Variants in ROBO1 observed in about 807,000 individuals in gnomAD.
The protein encoded by ROBO1 is roundabout homolog 1.
A neutral mutation model predicts 195.9 loss-of-function variants in ROBO1; 149 were observed. That is an observed-to-expected ratio of 0.76 (90% confidence interval 0.67 to 0.87). The LOEUF is 0.87. Ranked by LOEUF, ROBO1 falls within the 40% of genes least tolerant of loss-of-function variation. The pLI, the probability that ROBO1 is intolerant of heterozygous loss-of-function variation, is 0.00. For synonymous variants in ROBO1, 816 were observed against 733.2 expected (o/e 1.11, Z -1.82); for missense variants, 1,933 against 2,068.3 (o/e 0.93, Z 1.27).
intron 2 of ROBO1, among the ~76,000 whole-genome samples, chr3:79,303,160 G>T (rs2635732): frequency 0.91 from 109,722 of 121,026 alleles, 49,477 homozygotes; most frequent in South Asian, 0.97. Flanking sequence ...TCTCACATAG[G>T]TTTTTTTTTT....
intron 2 of ROBO1, among the ~76,000 whole-genome samples, chr3:79,177,433 G>A (rs894333693): frequency 2.0e-5 from 3 of 152,056 alleles, no homozygotes; most frequent in Non-Finnish European, 2.9e-5. Flanking sequence ...AAGGTCAAGG[G>A]GCTAGGGATA....
intron 1 of ROBO1, among the ~76,000 whole-genome samples, chr3:79,677,795 A>G (rs1190486125): frequency 2.0e-5 from 3 of 152,112 alleles, no homozygotes; most frequent in Non-Finnish European, 4.4e-5. Flanking sequence ...TGATCCTGAG[A>G]ATGGATTCAT....
At chr3:79,031,437 C>G (rs2078294156) in intron 3 of ROBO1, among the ~76,000 whole-genome samples, 1 of 152,128 alleles carries the variant, frequency 6.6e-6, no homozygotes, top group Admixed American at 6.5e-5. Context: ...CTTAAACTTG[C>G]TCTTTGGAGC....
intron 4 of ROBO1, among the ~76,000 whole-genome samples, chr3:78,905,711 T>A (rs1288879382): frequency 2.0e-5 from 3 of 152,184 alleles, no homozygotes; most frequent in South Asian, 2.1e-4. Flanking sequence ...CATTCACATA[T>A]AATAATATAA....
chr3:78,937,735 C>T (rs1480363703), intron 4 of ROBO1, among the ~76,000 whole-genome samples: 2 of 152,044 alleles, frequency 1.3e-5, no homozygotes, highest in East Asian at 1.9e-4. Context: ...CATAAAACTA[C>T]TTGAGGATAA....
chr3:78,886,322 C>A (rs898202351), intron 4 of ROBO1, among the ~76,000 whole-genome samples: 6 of 152,040 alleles, frequency 3.9e-5, no homozygotes, highest in African/African-American at 1.4e-4. Flanking sequence ...TGTGGCCAGG[C>A]GCAGTGGCTC....
chr3:79,546,754 T>C (rs937867397), intron 2 of ROBO1, among the ~76,000 whole-genome samples: 3 of 152,318 alleles, frequency 2.0e-5, no homozygotes, highest in East Asian at 3.9e-4. Flanking sequence ...CAGGTTATGT[T>C]TGGCATGCTC....
chr3:79,430,952 A>G (rs2038653454), intron 2 of ROBO1, among the ~76,000 whole-genome samples: 1 of 152,118 alleles, frequency 6.6e-6, no homozygotes, highest in African/African-American at 2.4e-5. Context: ...TGGAAGTATA[A>G]GTATTTGTAG....
chr3:78,620,883 A>ATGTG (rs199578004), intron 26 of ROBO1, among the ~76,000 whole-genome samples: 25,219 of 144,544 alleles, frequency 0.17, 2,575 homozygotes, highest in East Asian at 0.39. Flanking sequence ...ATATATATAT[A>ATGTG]TGTGTGTGTG....
At chr3:79,121,184 C>A (rs776609762) in intron 3 of ROBO1, among the ~76,000 whole-genome samples, 1 of 151,948 alleles carries the variant, frequency 6.6e-6, no homozygotes, top group Non-Finnish European at 1.5e-5. Context: ...GCCTTGCATG[C>A]GTGTAGTAAT....
chr3:78,601,003 T>TTCTG (rs1703139655), intron 29 of ROBO1, among the ~76,000 whole-genome samples: 1 of 152,084 alleles, frequency 6.6e-6, no homozygotes, highest in African/African-American at 2.4e-5. Context: ...TCCAATTAAT[T>TTCTG]TCTGTCTCCT....
chr3:78,665,462 T>C (rs1461343712), intron 14 of ROBO1, among the ~76,000 whole-genome samples: 1 of 152,204 alleles, frequency 6.6e-6, no homozygotes, highest in Non-Finnish European at 1.5e-5. Context: ...TAATTTGCTC[T>C]ATTAACTTTA....
chr3:79,714,480 C>T (rs1056433688), intron 1 of ROBO1, among the ~76,000 whole-genome samples: 3 of 152,088 alleles, frequency 2.0e-5, no homozygotes, highest in Non-Finnish European at 2.9e-5. Context: ...ACCATTTGAA[C>T]CAGCCATCCC....
intron 24 of ROBO1, 65 bp from the exon 25 acceptor site, chr3:78,631,370 G>T: frequency 6.7e-7 from 1 of 1,489,704 alleles, no homozygotes; most frequent in Non-Finnish European, 9.0e-7. Context: ...TTAGTCACAA[G>T]TTAATTATTT....
intron 4 of ROBO1, among the ~76,000 whole-genome samples, chr3:78,778,944 T>A (rs1321981391): frequency 6.6e-6 from 1 of 152,000 alleles, no homozygotes; most frequent in Non-Finnish European, 1.5e-5. Context: ...GCCTCAGAAA[T>A]AACGCCACGC....
chr3:79,094,811 A>C (rs1418915386), intron 3 of ROBO1, among the ~76,000 whole-genome samples: 1 of 151,798 alleles, frequency 6.6e-6, no homozygotes, highest in African/African-American at 2.4e-5. Context: ...AGGGATCCCC[A>C]AGTTACTCTT....
intron 10 of ROBO1, among the ~76,000 whole-genome samples, chr3:78,676,978 C>A (rs1017673514): frequency 2.0e-5 from 3 of 152,088 alleles, no homozygotes; most frequent in Non-Finnish European, 4.4e-5. Flanking sequence ...GCGGATCTCT[C>A]GGCAGAAACC....
chr3:79,008,932 T>TGTGTG (rs1559586315), intron 3 of ROBO1, among the ~76,000 whole-genome samples: 1 of 141,618 alleles, frequency 7.1e-6, no homozygotes, highest in African/African-American at 2.6e-5. Context: ...TGTGTGTGTA[T>TGTGTG]GGTTTTGTTT....
intron 26 of ROBO1, among the ~76,000 whole-genome samples, chr3:78,622,728 T>C (rs1220742408): frequency 2.0e-5 from 3 of 152,350 alleles, no homozygotes; most frequent in Non-Finnish European, 4.4e-5. Context: ...AAATGTTAAC[T>C]GGCCTGGCAA....
Sources: allele counts gnomAD v4.1 joint callset (sites outside exome capture counted in the v4.1 genomes callset), GRCh38; gene constraint gnomAD v4.1.1; transcripts MANE v1.5; gene names NCBI Gene and HGNC (gene_info 2026-07-23, HGNC 2026-07-21).